The following CAB39L variants were observed in gnomAD, a reference collection of about 807,000 sequenced individuals.
CAB39L encodes the protein calcium binding protein 39 like, also known as calcium-binding protein 39-like.
In CAB39L, 23 loss-of-function variants were observed where a neutral mutation model predicts 39.1. The observed-to-expected ratio is 0.59, with a 90% confidence interval of 0.42 to 0.83. The LOEUF (loss-of-function observed/expected upper bound fraction) is 0.83. CAB39L is among the 40% of genes least tolerant of loss of function. The pLI is 0.00. For missense variants in CAB39L, 366 were observed against 391.9 expected (o/e 0.93, Z 0.56); for synonymous variants, 126 against 137.2 (o/e 0.92, Z 0.57).
At chr13:49,371,471 C>T (rs2138544891) in intron 5 of CAB39L, among the ~76,000 whole-genome samples, 1 of 152,186 alleles carries the variant, frequency 6.6e-6, no homozygotes, top group South Asian at 2.1e-4. Flanking sequence ...CCACGCCTGG[C>T]CAAGGGCCAC....
At chr13:49,401,796 T>A (rs74072582) in intron 3 of CAB39L, among the ~76,000 whole-genome samples, 2 of 152,264 alleles carry the variant, frequency 1.3e-5, no homozygotes, top group African/African-American at 4.8e-5. Context: ...TTTAAAAAAG[T>A]CATGTTGATA....
At chr13:49,356,262 A>G (rs1318966854) in intron 6 of CAB39L, among the ~76,000 whole-genome samples, 1 of 152,206 alleles carries the variant, frequency 6.6e-6, no homozygotes, top group Non-Finnish European at 1.5e-5. Context: ...AAACTGCTTA[A>G]AATTTTTTAT....
chr13:49,435,025 T>C (rs897802309), intron 1 of CAB39L, among the ~76,000 whole-genome samples: 2 of 152,252 alleles, frequency 1.3e-5, no homozygotes, highest in Middle Eastern at 3.2e-3. Context: ...GAAATCTCTC[T>C]TCTGTTGTTG....
chr13:49,373,782 G>A (rs1955986222), intron 5 of CAB39L, among the ~76,000 whole-genome samples: 1 of 152,130 alleles, frequency 6.6e-6, no homozygotes, highest in Admixed American at 6.5e-5. Flanking sequence ...CTGTCCCAGT[G>A]CAAGCCATGA....
In CAB39L at chr13:49,322,490, C is replaced by T. The variant is rs139486992; in HGVS notation, c.834+9457G>A. On this transcript the variant is annotated intron_variant, in intron 10 of 10. Transcript: ENST00000409308. ...GCAGTGTCACATACAGCAGTAATCGCTTTCCCAAATATTTACTGTTATGCA... is the reference window on the plus strand; with the variant it reads ...GCAGTGTCACATACAGCAGTAATCGTTTTCCCAAATATTTACTGTTATGCA... Among the ~76,000 whole-genome samples the T allele has an allele frequency of 2.5e-3, 384 of 152,294 alleles. 3 individuals carry two copies. Among genetic ancestry groups the T allele is most frequent in the African/African-American group, 8.8e-3 (366 of 41,564 alleles).
At chr13:49,329,573 ATATATATATATATATATATATAT>A (rs1383582737) in intron 10 of CAB39L, among the ~76,000 whole-genome samples, 5 of 84,322 alleles carry the variant, frequency 5.9e-5, no homozygotes, top group African/African-American at 2.3e-4. Context: ...ATATATATAT[ATATATATATATATATATATATAT>A]AATGATGTAA....
intron 3 of CAB39L, chr13:49,413,616 G>C (rs1467174903): frequency 7.9e-5 from 12 of 152,292 alleles, no homozygotes; most frequent in Admixed American, 2.6e-4. Context: ...GGTGGACAGG[G>C]AGGGCACATA....
chr13:49,334,771 CA>C (rs1954805049), intron 9 of CAB39L, among the ~76,000 whole-genome samples: 1 of 152,184 alleles, frequency 6.6e-6, no homozygotes, highest in African/African-American at 2.4e-5. Flanking sequence ...AGATTGCAAA[CA>C]GACAAAACTA....
At chr13:49,333,340 C>T (rs1212858384) in intron 9 of CAB39L, among the ~76,000 whole-genome samples, 4 of 152,102 alleles carry the variant, frequency 2.6e-5, no homozygotes, top group Admixed American at 6.6e-5. Flanking sequence ...GGTTTCCTAC[C>T]TTGTGCAGCT....
Position 49,404,583 on chromosome 13 carries a change from C to T in CAB39L, c.-31-21642G>A, listed in dbSNP as rs1956835201. Among the ~76,000 whole-genome samples the T allele has an allele frequency of 3.3e-5, 5 of 152,090 alleles. No homozygotes were observed. In the South Asian group the frequency reaches 1.0e-3, roughly 31 times the overall value. On this transcript the variant is annotated intron_variant, in intron 3 of 10. Coordinates refer to ENST00000409308, the MANE Select transcript of CAB39L (RefSeq NM_001079670.3). ...GGAAATTATGACCTCACCAAACCAA[C>T]TAAATAAGGAACCAGTGACCAATTC...
intron 6 of CAB39L, among the ~76,000 whole-genome samples, chr13:49,357,931 C>T (rs896182287): frequency 1.3e-5 from 2 of 152,184 alleles, no homozygotes; most frequent in African/African-American, 4.8e-5. Context: ...CTAGTCACAC[C>T]AGAATTCTTG....
intron 9 of CAB39L, among the ~76,000 whole-genome samples, chr13:49,334,552 C>T (rs949324552): frequency 6.6e-6 from 1 of 152,160 alleles, no homozygotes; most frequent in African/African-American, 2.4e-5. Flanking sequence ...ACATCGTCTT[C>T]GGGAAAGCCT....
intron 3 of CAB39L, among the ~76,000 whole-genome samples, chr13:49,424,545 G>A (rs1291274201): frequency 6.6e-6 from 1 of 152,140 alleles, no homozygotes; most frequent in Non-Finnish European, 1.5e-5. Context: ...TTTGAACAAA[G>A]TATGGACTCT....
chr13:49,368,503 G>C lies in CAB39L; in HGVS notation c.276+8464C>G, dbSNP rs1364052451. Reference sequence around the variant, plus strand: ...AAAACCAGTTTTTTGCAACCCGCAGGCTGCCAGATCTCAAGCCCTGGACTC... The same window carrying C: ...AAAACCAGTTTTTTGCAACCCGCAGCCTGCCAGATCTCAAGCCCTGGACTC... On this transcript the variant is annotated intron_variant, in intron 5 of 10. Coordinates refer to ENST00000409308, the MANE Select transcript of CAB39L (RefSeq NM_001079670.3). 2.0e-5 allele frequency among the ~76,000 whole-genome samples: 3 copies of C among 152,068 alleles called. No homozygotes were observed. The East Asian group carries it at 5.8e-4, about 29-fold the overall frequency.
chr13:49,370,351 T>A (rs1955887061), intron 5 of CAB39L, among the ~76,000 whole-genome samples: 1 of 152,210 alleles, frequency 6.6e-6, no homozygotes. Flanking sequence ...AATATCTTTG[T>A]CATTCTATTT....
At chr13:49,387,813 A>G (rs992070354) in intron 3 of CAB39L, among the ~76,000 whole-genome samples, 1 of 152,202 alleles carries the variant, frequency 6.6e-6, no homozygotes, top group African/African-American at 2.4e-5. Context: ...ACATATATGC[A>G]CATATAAATA....
intron 3 of CAB39L, among the ~76,000 whole-genome samples, chr13:49,426,782 C>A (rs1316748069): frequency 6.6e-6 from 1 of 152,162 alleles, no homozygotes; most frequent in Non-Finnish European, 1.5e-5. Flanking sequence ...CCACTCTAAG[C>A]CACTCTTGAG....
chr13:49,441,862 C>G (rs942778562), intron 1 of CAB39L, among the ~76,000 whole-genome samples: 32 of 152,146 alleles, frequency 2.1e-4, no homozygotes, highest in African/African-American at 7.7e-4. Context: ...ACTACTGGAA[C>G]TCTCTTATCT....
At chr13:49,419,373 T>G (rs1174857477) in intron 3 of CAB39L, among the ~76,000 whole-genome samples, 1 of 152,160 alleles carries the variant, frequency 6.6e-6, no homozygotes, top group African/African-American at 2.4e-5. Context: ...CTAAAAAATA[T>G]GAAATTCCAG....
Sources: gnomAD v4.1 joint callset for allele counts (sites outside exome capture counted in the v4.1 genomes callset) on GRCh38, gnomAD v4.1.1 for gene constraint, MANE v1.5 for transcripts, NCBI Gene and HGNC (gene_info 2026-07-23, HGNC 2026-07-21) for gene names.